The following GABRB2 variants were observed in gnomAD, a reference collection of about 807,000 sequenced individuals.
GABRB2 encodes the protein gamma-aminobutyric acid type A receptor subunit beta2.
Under a neutral mutation model 54.7 loss-of-function variants are expected in GABRB2, and 16 were observed. The observed-to-expected ratio is 0.29, with a 90% CI of 0.20 to 0.44. The LOEUF (loss-of-function observed/expected upper bound fraction) is 0.44, where lower values mean the gene tolerates loss of function less well. Ranked by LOEUF, GABRB2 falls within the 20% of genes least tolerant of loss-of-function variation. The pLI is 1.00. For synonymous variants in GABRB2, 244 were observed against 233.8 expected, an observed-to-expected ratio of 1.04 and a Z score of -0.40; for missense variants, 355 against 644.0, an observed-to-expected ratio of 0.55 and a Z score of 4.86.
intron 5 of GABRB2, among the ~76,000 whole-genome samples, chr5:161,384,838 T>A (rs1755574645): frequency 6.6e-6 from 1 of 152,188 alleles, no homozygotes; most frequent in Non-Finnish European, 1.5e-5. Flanking sequence ...CTATCCTGCC[T>A]ACATCCCCAT....
intron 5 of GABRB2, among the ~76,000 whole-genome samples, chr5:161,371,580 A>T (rs531930463): frequency 1.2e-4 from 19 of 152,342 alleles, no homozygotes; most frequent in African/African-American, 4.6e-4. Context: ...CAAGGGCAAG[A>T]TCAGGTAATA....
At chr5:161,307,865 T>C (rs937801649) in intron 9 of GABRB2, among the ~76,000 whole-genome samples, 3 of 108,384 alleles carry the variant, frequency 2.8e-5, no homozygotes, top group Non-Finnish European at 5.3e-5. Context: ...GACTAATTCT[T>C]TTTTTTTTTT....
intron 3 of GABRB2, among the ~76,000 whole-genome samples, chr5:161,461,502 GTTA>G (rs1488750271): frequency 1.3e-5 from 2 of 152,110 alleles, no homozygotes; most frequent in African/African-American, 2.4e-5. Context: ...TAATCAGAAG[GTTA>G]TTATGAAAAT....
At chr5:161,533,824 A>C (rs983735115) in intron 3 of GABRB2, among the ~76,000 whole-genome samples, 1 of 152,184 alleles carries the variant, frequency 6.6e-6, no homozygotes, top group Admixed American at 6.5e-5. Context: ...ATAAAACTGT[A>C]AAATTATTTA....
intron 3 of GABRB2, among the ~76,000 whole-genome samples, chr5:161,523,710 T>C (rs1037044577): frequency 1.3e-5 from 2 of 151,596 alleles, no homozygotes; most frequent in African/African-American, 4.8e-5. Context: ...AAGTTGCATC[T>C]GGTGACCAAC....
intron 3 of GABRB2, among the ~76,000 whole-genome samples, chr5:161,534,612 T>C (rs1760572900): frequency 2.0e-5 from 3 of 152,066 alleles, no homozygotes; most frequent in African/African-American, 4.8e-5. Flanking sequence ...CAGAGGATTG[T>C]TGAAGGAAAA....
chr5:161,367,686 C>T (rs1441213734), intron 5 of GABRB2, among the ~76,000 whole-genome samples: 3 of 152,118 alleles, frequency 2.0e-5, no homozygotes, highest in African/African-American at 7.2e-5. Flanking sequence ...TTAGGTAAAG[C>T]CTAATTTTTT....
At chr5:161,409,533 C>T (rs1208497426) in intron 5 of GABRB2, among the ~76,000 whole-genome samples, 1 of 152,006 alleles carries the variant, frequency 6.6e-6, no homozygotes, top group African/African-American at 2.4e-5. Flanking sequence ...AAGTCCTTCA[C>T]CTACCTACAA....
intron 9 of GABRB2, among the ~76,000 whole-genome samples, chr5:161,303,077 A>C (rs1757583517): frequency 6.6e-6 from 1 of 152,236 alleles, no homozygotes; most frequent in South Asian, 2.1e-4. Context: ...ATGCAATGAT[A>C]AAGTTAAATC....
intron 3 of GABRB2, among the ~76,000 whole-genome samples, chr5:161,516,185 T>TA (rs1157036107): frequency 6.6e-6 from 1 of 152,238 alleles, no homozygotes; most frequent in East Asian, 1.9e-4. Context: ...AGACTTTTTT[T>TA]ACTGTTGTTG....
rs1054014483 is a variant in GABRB2, at chr5:161,478,233, T to A, written c.238-18389A>T. ...ATTAACTTGGAATACATATATTCTC[T>A]ACGAAGGGAAGACATGTAAGGGAAA... On this transcript the variant is annotated intron_variant, in intron 3 of 9. Transcript: ENST00000393959. Among the ~76,000 whole-genome samples, 4 of 152,048 alleles carry A rather than the reference T, an allele frequency of 2.6e-5. No homozygotes were observed. In the East Asian group the frequency reaches 7.8e-4, roughly 29 times the overall value.
intron 3 of GABRB2, among the ~76,000 whole-genome samples, chr5:161,468,797 A>G (rs1305636666): frequency 6.6e-6 from 1 of 151,950 alleles, no homozygotes; most frequent in Non-Finnish European, 1.5e-5. Flanking sequence ...GACACCACAT[A>G]GACCTTAAGA....
At chr5:161,517,586 T>C (rs745678620) in intron 3 of GABRB2, among the ~76,000 whole-genome samples, 8 of 152,154 alleles carry the variant, frequency 5.3e-5, no homozygotes, top group Non-Finnish European at 1.0e-4. Flanking sequence ...GTGTAAACAC[T>C]CTCTACAGAT....
chr5:161,343,362 A>G (rs189485297), intron 5 of GABRB2, among the ~76,000 whole-genome samples: 6 of 152,156 alleles, frequency 3.9e-5, no homozygotes, highest in Admixed American at 3.3e-4. Flanking sequence ...TTCATCAGAG[A>G]TGACCTATTT....
chr5:161,379,674 T>C (rs1231594683), intron 5 of GABRB2, among the ~76,000 whole-genome samples: 1 of 152,150 alleles, frequency 6.6e-6, no homozygotes, highest in East Asian at 1.9e-4. Flanking sequence ...CTAGCATCCA[T>C]TAAAATAAGT....
chr5:161,326,425 A>G lies in GABRB2; in HGVS notation c.1134T>C (p.Pro378=). 7 of 1,613,738 alleles carry G rather than the reference A, an allele frequency of 4.3e-6. No individual in the cohort carries two copies. The highest frequency in any genetic ancestry group is 5.9e-6 in the Non-Finnish European group (7 of 1,179,708). Residue 378 remains proline, a synonymous_variant, in exon 9 of 10, where the codon CCT becomes CCC. Transcript: ENST00000393959. Reference sequence around the variant, plus strand: ...GTCTAGTTGGGGAGAGGTTTCCAGTAGGGTCCCACAAGGATCGATATTGGG... The same window carrying G: ...GTCTAGTTGGGGAGAGGTTTCCAGTGGGGTCCCACAAGGATCGATATTGGG... ...NGTQYRSLWD[P]TGNLSPTRRT...
chr5:161,422,771 G>A (rs1756885334), intron 4 of GABRB2, among the ~76,000 whole-genome samples: 1 of 152,012 alleles, frequency 6.6e-6, no homozygotes, highest in African/African-American at 2.4e-5. Context: ...AATATGCATG[G>A]GATACTAACA....
intron 3 of GABRB2, among the ~76,000 whole-genome samples, chr5:161,512,308 T>G (rs368248090): frequency 1.3e-5 from 2 of 152,104 alleles, no homozygotes; most frequent in African/African-American, 4.8e-5. Flanking sequence ...AGAACAAAGC[T>G]GGAGGCATCA....
chr5:161,432,759 G>GTTATTATT (rs1757204837), intron 4 of GABRB2, among the ~76,000 whole-genome samples: 1 of 152,042 alleles, frequency 6.6e-6, no homozygotes, highest in African/African-American at 2.4e-5. Flanking sequence ...GTACCTCAGA[G>GTTATTATT]TCCTCCCCAT....
Sources: allele counts gnomAD v4.1 joint callset (sites outside exome capture counted in the v4.1 genomes callset), GRCh38; gene constraint gnomAD v4.1.1; transcripts MANE v1.5; gene names NCBI Gene and HGNC (gene_info 2026-07-23, HGNC 2026-07-21).